The following JAKMIP3 variants were observed in gnomAD, a reference collection of about 807,000 sequenced individuals.
The protein encoded by JAKMIP3 is Janus kinase and microtubule interacting protein 3, also known as janus kinase and microtubule-interacting protein 3.
Under a neutral mutation model 118.5 loss-of-function variants are expected in JAKMIP3, and 58 were observed. The ratio of observed to expected loss-of-function variants is 0.49; its 90% confidence interval spans 0.40 to 0.61. The LOEUF is 0.61. Among genes scored for constraint, JAKMIP3 ranks in the 20% least tolerant of loss-of-function variants. The pLI, the probability that JAKMIP3 is intolerant of heterozygous loss-of-function variation, is 0.00. For synonymous variants in JAKMIP3, 486 were observed against 451.2 expected (o/e 1.08, Z -0.98); for missense variants, 950 against 1,109.0 (o/e 0.86, Z 2.04).
chr10:132,124,035 G>T (rs888462560), intron 3 of JAKMIP3, among the ~76,000 whole-genome samples: 2 of 152,222 alleles, frequency 1.3e-5, no homozygotes, highest in African/African-American at 4.8e-5. Flanking sequence ...AGAGGGTAAC[G>T]CCTGGCATCA....
chr10:132,139,675 G>A (rs1173877870), intron 9 of JAKMIP3, among the ~76,000 whole-genome samples: 2 of 152,250 alleles, frequency 1.3e-5, no homozygotes, highest in Non-Finnish European at 2.9e-5. Context: ...GTGTCCAGCA[G>A]ACGCCTTGGC....
intron 16 of JAKMIP3, among the ~76,000 whole-genome samples, chr10:132,152,477 C>T (rs1001057862): frequency 1.1e-4 from 16 of 152,302 alleles, no homozygotes; most frequent in Middle Eastern, 6.8e-3. Flanking sequence ...ATAAAACATG[C>T]ATAAAAGAGA....
chr10:132,142,143 T>A, intron 11 of JAKMIP3, 95 bp downstream of exon 11: 1 of 1,362,962 alleles, frequency 7.3e-7, no homozygotes, highest in Non-Finnish European at 9.9e-7. Context: ...CTAGCCCTCC[T>A]GGGCCCGGGC....
chr10:132,103,745 C>T (rs752762148), intron 1 of JAKMIP3, among the ~76,000 whole-genome samples: 1 of 152,026 alleles, frequency 6.6e-6, no homozygotes, highest in Non-Finnish European at 1.5e-5. Flanking sequence ...AGAAGCTGGG[C>T]CATACAGCAG....
chr10:132,088,285 T>C (rs1289151503), intron 1 of JAKMIP3, among the ~76,000 whole-genome samples: 1 of 152,252 alleles, frequency 6.6e-6, no homozygotes, highest in African/African-American at 2.4e-5. Context: ...ATCGCCACTC[T>C]GATTTCCACA....
chr10:132,071,954 T>A (rs1171274201), intron 1 of JAKMIP3, among the ~76,000 whole-genome samples: 5 of 140,768 alleles, frequency 3.6e-5, no homozygotes, highest in African/African-American at 1.3e-4. Flanking sequence ...CCTTTCTTTC[T>A]TTCCTTTCTT....
intron 19 of JAKMIP3, among the ~76,000 whole-genome samples, chr10:132,161,713 T>C (rs1431732254): frequency 1.0e-4 from 3 of 28,940 alleles, no homozygotes; most frequent in Admixed American, 4.2e-4. Context: ...CTGGGGGGTA[T>C]CTCTCCCTGT....
chr10:132,071,986 C>G (rs1380918457), intron 1 of JAKMIP3, among the ~76,000 whole-genome samples: 2 of 124,810 alleles, frequency 1.6e-5, no homozygotes, highest in Non-Finnish European at 3.3e-5. Context: ...AGTTTTACTT[C>G]TGTCACCCAG....
At chr10:132,111,354 C>CT (rs201274098) in intron 2 of JAKMIP3, among the ~76,000 whole-genome samples, 1 of 151,844 alleles carries the variant, frequency 6.6e-6, no homozygotes, top group Non-Finnish European at 1.5e-5. Flanking sequence ...CAGAGACCCC[C>CT]CCCATGAGCA....
intron 1 of JAKMIP3, among the ~76,000 whole-genome samples, chr10:132,050,635 T>G (rs1309220195): frequency 6.6e-6 from 1 of 151,958 alleles, no homozygotes; most frequent in Admixed American, 6.6e-5. Flanking sequence ...GAAGGAGATT[T>G]GGGGGGGGTT....
rs1025794676 is a variant in JAKMIP3 at position 132,049,557 on chromosome 10, TG to T, written c.-138+12820del. ...TCTCTGATTTTTTGCCCTAAGCTGT[TG>T]AATTCCTAAATCGGGGTGTTTTTCC... On this transcript the variant is annotated intron_variant, in intron 1 of 23. Transcript: ENST00000657785. This position sits in a 1 kb window ranked among gnomAD's most constrained non-coding sequence, Gnocchi z 4.3. 9.2e-5 allele frequency among the ~76,000 whole-genome samples: 14 copies of T among 152,216 alleles called. No homozygotes were observed. The highest frequency in any genetic ancestry group is 3.4e-4 in the African/African-American group (14 of 41,456).
chr10:132,063,155 C>T (rs949985251), upstream of JAKMIP3, among the ~76,000 whole-genome samples: 7 of 152,070 alleles, frequency 4.6e-5, no homozygotes, highest in Admixed American at 1.3e-4. Context: ...GACAACTGCC[C>T]GTGGGTGGGA....
Position 132,117,720 on chromosome 10 carries a change from C to T in JAKMIP3, c.633+146C>T. 2 of 1,022,470 alleles carry T rather than the reference C, an allele frequency of 2.0e-6. No individual in the cohort carries two copies. The highest frequency in any genetic ancestry group is 2.6e-6 in the Non-Finnish European group (2 of 781,040). The allele number at this position is 1,022,470 out of a possible 1,614,324, so 63.3% of individuals were successfully genotyped here. The stretch of plus-strand genomic sequence containing the variant: ...GCTTCACCCCCCATGACATTCTTAG[C>T]ACAGGCTCCTCATGCCACCCCTGTT... On this transcript the variant is annotated intron_variant, in intron 3 of 23. Transcript: ENST00000684848. This position sits in a 1 kb window ranked among gnomAD's most constrained non-coding sequence, Gnocchi z 8.6.
At position 132,179,783 on chromosome 10, in the gene JAKMIP3, A is replaced by G. The variant is rs1219157000; in HGVS notation, c.*1104-2574A>G. Among the ~76,000 whole-genome samples, 2 of 152,266 alleles carry G rather than the reference A, an allele frequency of 1.3e-5. No homozygotes were observed. The highest frequency in any genetic ancestry group is 3.9e-4 in the East Asian group (2 of 5,164). On this transcript the variant is annotated intron_variant, in intron 23 of 23. Coordinates refer to ENST00000684848, the MANE Select transcript of JAKMIP3 (RefSeq NM_001323087.2). This position sits in a 1 kb window ranked among gnomAD's most constrained non-coding sequence, Gnocchi z 4.3. ...CACACCACAACAGCCACACCATGGC[A>G]CAGCCACACCATTATCGCAGCCCTA...
At chr10:132,081,459 T>G (rs918896227) in intron 1 of JAKMIP3, among the ~76,000 whole-genome samples, 1 of 152,214 alleles carries the variant, frequency 6.6e-6, no homozygotes, top group Non-Finnish European at 1.5e-5. Context: ...CTTTGCCCAG[T>G]GCCTCACAGT....
intron 4 of JAKMIP3, 27 bp downstream of exon 4, chr10:132,133,554 C>T (rs1263171308): frequency 6.5e-7 from 1 of 1,539,142 alleles, no homozygotes; most frequent in East Asian, 2.4e-5. Flanking sequence ...CCCACCGGCC[C>T]ACCCCGTGTC....
rs2061690260 is a variant in JAKMIP3 at position 132,184,330 on chromosome 10, T to G, written c.*3077T>G. ...GGCTTGTGAACACCGATACTAGAAG[T>G]CAAAAAGAAGAGAGTGCCCAAGTGT... is the stretch of plus-strand genomic sequence containing the variant. On this transcript the variant is annotated 3_prime_UTR_variant, in exon 24 of 24. Transcript: ENST00000684848. 2 of 151,982 alleles carry G rather than the reference T, an allele frequency of 1.3e-5. No homozygotes were observed. The highest frequency in any genetic ancestry group is 4.2e-4 in the South Asian group (2 of 4,816). 9.4% of individuals were successfully genotyped at this position (151,982 alleles called of 1,614,324 possible).
upstream of JAKMIP3, among the ~76,000 whole-genome samples, chr10:132,036,645 C>A (rs1242891983): frequency 6.6e-6 from 1 of 150,824 alleles, no homozygotes; most frequent in South Asian, 2.1e-4. Flanking sequence ...GGCTCCTGCC[C>A]GCGGTGACGG....
upstream of JAKMIP3, among the ~76,000 whole-genome samples, chr10:132,061,574 A>G (rs928368630): frequency 2.0e-5 from 3 of 152,228 alleles, no homozygotes; most frequent in Admixed American, 6.5e-5. Flanking sequence ...CACTAGAGGC[A>G]CGTTGGGGCA....
Sources: gnomAD v4.1 joint callset for allele counts (sites outside exome capture counted in the v4.1 genomes callset) on GRCh38, gnomAD v4.1.1 for gene constraint, Gnocchi (gnomAD v3.1) non-coding constraint, MANE v1.5 for transcripts, NCBI Gene and HGNC (gene_info 2026-07-23, HGNC 2026-07-21) for gene names.